The following GRM6 variants were observed in gnomAD, a reference collection of about 807,000 sequenced individuals.
The protein encoded by GRM6 is metabotropic glutamate receptor 6.
In GRM6, 73 loss-of-function variants were observed where a neutral mutation model predicts 78.4. The ratio of observed to expected loss-of-function variants is 0.93; its 90% confidence interval spans 0.77 to 1.13. The LOEUF (loss-of-function observed/expected upper bound fraction) is 1.13. Among genes scored for constraint, GRM6 ranks in the 50% most tolerant of loss-of-function variants. GRM6 has a pLI of 0.00. For synonymous variants in GRM6, 580 were observed against 555.0 expected, an observed-to-expected ratio of 1.05 and a Z score of -0.63; for missense variants, 1,251 against 1,256.4, an observed-to-expected ratio of 1.00 and a Z score of 0.07.
At chr5:178,995,020 CG>C in intron 1 of GRM6, 60 bp from the exon 2 acceptor site, 1 of 836,398 alleles carries the variant, frequency 1.2e-6, no homozygotes, top group South Asian at 5.8e-5. Context: ...AGCGCGGGCT[CG>C]GGGCGCGGGG....
At chr5:178,987,592 A>C (rs900827810) in intron 7 of GRM6, 3 of 385,484 alleles carry the variant, frequency 7.8e-6, no homozygotes, top group African/African-American at 4.2e-5. Flanking sequence ...CCACCACAGG[A>C]GGTACCGAGG....
chr5:178,989,286 C>CATCT lies in GRM6; in HGVS notation c.1131_1132insAGAT (p.Asp378ArgfsTer2). The CATCT allele has an allele frequency of 6.2e-7, 1 of 1,604,228 alleles. No homozygotes were observed. Among genetic ancestry groups the CATCT allele is most frequent in the Non-Finnish European group, 8.5e-7 (1 of 1,177,198 alleles). ...TCACCTGTGCATTTGCGGGTGGAATCGTCTGACTGGGTACCTGAGCTGGTC... is the reference window on the plus strand; with the variant it reads ...TCACCTGTGCATTTGCGGGTGGAATCATCTGTCTGACTGGGTACCTGAGCTGGTC... On this transcript the variant is annotated frameshift_variant, in exon 6 of 11. Coordinates refer to ENST00000517717, the MANE Select transcript of GRM6 (RefSeq NM_000843.4). LOFTEE classifies it high-confidence loss of function.
intron 9 of GRM6, 73 bp from the exon 10 acceptor site, chr5:178,983,294 C>G (rs1299652006): frequency 7.4e-7 from 1 of 1,349,524 alleles, no homozygotes; most frequent in South Asian, 1.2e-5. Flanking sequence ...ACAGAGGCCC[C>G]TGCGGGTCAG....
Position 178,986,317 on chromosome 5 carries a change from C to T in GRM6, c.1937G>A (p.Gly646Glu), listed in dbSNP as rs1484736742. 1.9e-6 allele frequency: 3 copies of T among 1,614,056 alleles called. No individual in the cohort carries two copies. Among genetic ancestry groups the T allele is most frequent in the South Asian group, 2.2e-5 (2 of 91,086 alleles). Residue 646 changes from glycine to glutamate, a missense_variant, in exon 9 of 11, where the codon GGG (glycine) becomes GAG (glutamate). Gly to Glu is a moderately conservative substitution (Grantham distance 98). Coordinates refer to ENST00000517717, the MANE Select transcript of GRM6 (RefSeq NM_000843.4). ...AITFLMVAEPGAAVCAARRLF... is the reference protein window; with the variant it reads ...AITFLMVAEPEAAVCAARRLF... ...CCTGCGGGCGGCACAGACCGCGGCCCCAGGCTCAGCCACCATGAGGAAGGT... is the reference window on the plus strand; with the variant it reads ...CCTGCGGGCGGCACAGACCGCGGCCTCAGGCTCAGCCACCATGAGGAAGGT...
chr5:178,983,076 T>G lies in GRM6; in HGVS notation c.2270A>C (p.Tyr757Ser). The G allele has an allele frequency of 6.2e-7, 1 of 1,614,168 alleles. No homozygotes were observed. The highest frequency in any genetic ancestry group is 8.5e-7 in the Non-Finnish European group (1 of 1,180,016). ...GCACGTGACCATGAGCAGGAGGCTG[T>G]AGCCCAGGCAGCCGATGAGAGACAG... ...SDLSLIGCLG[Y>S]SLLLMVTCTV... The change falls in exon 10 of 11, where the codon TAC (tyrosine) becomes TCC (serine). Residue 757 changes from tyrosine (Y) to serine (S), a missense_variant. Physicochemically the swap from Tyr to Ser is moderately radical, Grantham distance 144. Transcript: ENST00000517717.
intron 5 of GRM6, chr5:178,989,768 T>C (rs1272181963): frequency 8.2e-6 from 3 of 367,320 alleles, no homozygotes; most frequent in East Asian, 1.4e-4. Context: ...GAAGATGTAA[T>C]GGGTGGAGCC....
intron 9 of GRM6, chr5:178,983,528 C>T (rs1333575644): frequency 6.9e-6 from 4 of 583,198 alleles, no homozygotes; most frequent in Middle Eastern, 2.6e-4. Context: ...TGTCCTCTTC[C>T]TGCATTCTAG....
chr5:178,985,681 C>G (rs112528415), intron 9 of GRM6: 196 of 389,748 alleles, frequency 5.0e-4, no homozygotes, highest in Admixed American at 1.1e-3. Context: ...CCAGCCTGGG[C>G]GACACAGCGA....
At chr5:178,985,449 A>G (rs1383813239) in intron 9 of GRM6, among the ~76,000 whole-genome samples, 1 of 151,648 alleles carries the variant, frequency 6.6e-6, no homozygotes, top group Non-Finnish European at 1.5e-5. Context: ...CCCGCCTGTC[A>G]TCCCAGCACT....
At position 178,982,000 on chromosome 5, in the gene GRM6, C is replaced by T. The variant is rs1760404591; in HGVS notation, c.2437-146G>A. ...ACTTAGACCAGGACAACAGTATGAGCAGGGGCCCCGCGCCTGAGGGGCTGG... is the reference window on the plus strand; with the variant it reads ...ACTTAGACCAGGACAACAGTATGAGTAGGGGCCCCGCGCCTGAGGGGCTGG... On this transcript the variant is annotated intron_variant, in intron 10 of 10. Transcript: ENST00000517717. This position sits in a 1 kb window ranked among gnomAD's most constrained non-coding sequence, Gnocchi z 5.1. 4 of 741,740 alleles carry T rather than the reference C, an allele frequency of 5.4e-6. No homozygotes were observed. The highest frequency in any genetic ancestry group is 1.7e-5 in the African/African-American group (1 of 58,730). 45.9% of individuals were successfully genotyped at this position (741,740 alleles called of 1,614,324 possible).
At chr5:178,985,637 A>C in intron 9 of GRM6, 1 of 373,452 alleles carries the variant, frequency 2.7e-6, no homozygotes, top group Non-Finnish European at 5.2e-6. Context: ...CGGAAGGCAG[A>C]GCTTGCAGGG....
Position 178,991,636 on chromosome 5 carries a change from G to C in GRM6, c.722-77C>G. The C allele has an allele frequency of 6.6e-7, 1 of 1,518,814 alleles. No individual in the cohort carries two copies. The highest frequency in any genetic ancestry group is 9.1e-7 in the Non-Finnish European group (1 of 1,095,514). 94.1% of individuals were successfully genotyped at this position (1,518,814 alleles called of 1,614,324 possible). A position where few individuals can be genotyped will look rare whatever the true frequency, so the allele number is the denominator to read the frequency against. ...CACCTGGCCACCGCTGCAGAGGACT[G>C]TGTAGGCTGGCTGAAGGGTCTGCAG... On this transcript the variant is annotated intron_variant, in intron 3 of 10. Transcript: ENST00000517717. This position sits in a 1 kb window ranked among gnomAD's most constrained non-coding sequence, Gnocchi z 5.0.
At position 178,986,688 on chromosome 5, in the gene GRM6, G is replaced by T; in HGVS notation, c.1566C>A (p.Cys522Ter). 2 of 1,603,996 alleles carry T rather than the reference G, an allele frequency of 1.2e-6. No homozygotes were observed. Among genetic ancestry groups the T allele is most frequent in the Non-Finnish European group, 8.5e-7 (1 of 1,179,850 alleles). The change falls in exon 9 of 11, where the codon TGC becomes TGA. Residue 522 changes from cysteine (C) to a stop codon, truncating the protein, a stop_gained. Transcript: ENST00000517717. LOFTEE classifies it high-confidence loss of function. ...CCATCTTCTTCCGCTCCCCCGGCCC[G>T]CAGGGCAGGCTGCACAGAGACGAGG... Reference protein sequence around the residue: ...EVPSSLCSLPCGPGERKKMVK... With the variant: ...EVPSSLCSLP
Position 178,991,396 on chromosome 5 carries a change from G to A in GRM6, c.857+28C>T, listed in dbSNP as rs772417275. 1 of 1,610,778 alleles carries A rather than the reference G, an allele frequency of 6.2e-7. No homozygotes were observed. Among genetic ancestry groups the A allele is most frequent in the East Asian group, 2.2e-5 (1 of 44,832 alleles). On this transcript the variant is annotated intron_variant, in intron 4 of 10. Transcript: ENST00000517717. This position sits in a 1 kb window ranked among gnomAD's most constrained non-coding sequence, Gnocchi z 5.0. ...GTGGGACCCTCAGGGAGAGCCCCAG[G>A]GGCCCGGTGATTGTGCCACTGTCCC...
At chr5:178,990,228 G>T (rs1760645947) in intron 5 of GRM6, 1 of 326,374 alleles carries the variant, frequency 3.1e-6, no homozygotes, top group East Asian at 7.5e-5. Flanking sequence ...GGGTGCAGGG[G>T]CCTCATCACT....
At chr5:178,985,607 G>C in intron 9 of GRM6, 2 of 354,618 alleles carry the variant, frequency 5.6e-6, no homozygotes, top group Non-Finnish European at 1.1e-5. Flanking sequence ...GGAGGCTGAG[G>C]CAGGAGAATG....
intron 5 of GRM6, chr5:178,989,613 G>A (rs1282669079): frequency 1.7e-5 from 11 of 636,364 alleles, no homozygotes; most frequent in African/African-American, 1.1e-4. Flanking sequence ...TGAGCTAGGC[G>A]TGGCCAGGTG....
chr5:178,991,723 A>C lies in GRM6; in HGVS notation c.721+144T>G, dbSNP rs762326633. The stretch of plus-strand genomic sequence containing the variant: ...GGCAGGGCTGAGTCGTCCAAAACAA[A>C]GAGGTCCCGCCCACATGGAGCACCA... On this transcript the variant is annotated intron_variant, in intron 3 of 10. Coordinates refer to ENST00000517717, the MANE Select transcript of GRM6 (RefSeq NM_000843.4). This position sits in a 1 kb window ranked among gnomAD's most constrained non-coding sequence, Gnocchi z 5.0. 4 of 1,129,398 alleles carry C rather than the reference A, an allele frequency of 3.5e-6. No homozygotes were observed. The highest frequency in any genetic ancestry group is 5.3e-6 in the Non-Finnish European group (4 of 755,184). The allele number at this position is 1,129,398 out of a possible 1,614,324, so 70.0% of individuals were successfully genotyped here.
In GRM6 at chr5:178,981,892, C is replaced by T. The variant is rs1263264427; in HGVS notation, c.2437-38G>A. The T allele has an allele frequency of 1.6e-6, 2 of 1,218,482 alleles. No homozygotes were observed. Among genetic ancestry groups the T allele is most frequent in the Non-Finnish European group, 1.2e-6 (1 of 819,844 alleles). 75.5% of individuals were successfully genotyped at this position (1,218,482 alleles called of 1,614,324 possible). ...AGAGGGGACCAGATGGGACTCAGCCCTGCTCTCCCTGCCCCGCTCCACACA... is the reference window on the plus strand; with the variant it reads ...AGAGGGGACCAGATGGGACTCAGCCTTGCTCTCCCTGCCCCGCTCCACACA... On this transcript the variant is annotated intron_variant, in intron 10 of 10. Transcript: ENST00000517717. The surrounding 1 kb of genome is among the most constrained non-coding windows in gnomAD (Gnocchi z 5.1).
Sources: allele counts gnomAD v4.1 joint callset (sites outside exome capture counted in the v4.1 genomes callset), GRCh38; gene constraint gnomAD v4.1.1; non-coding constraint Gnocchi (gnomAD v3.1); transcripts MANE v1.5; gene names NCBI Gene and HGNC (gene_info 2026-07-23, HGNC 2026-07-21).